The following SLC46A2 variants were observed in gnomAD, a reference collection of about 807,000 sequenced individuals.
SLC46A2 encodes solute carrier family 46 member 2, also known as thymic stromal co-transporter.
In SLC46A2, 25 loss-of-function variants were observed where a neutral mutation model predicts 33.1. The ratio of observed to expected loss-of-function variants is 0.76; its 90% CI spans 0.55 to 1.06. The LOEUF (loss-of-function observed/expected upper bound fraction) is 1.06, where lower values mean the gene tolerates loss of function less well. Ranked by LOEUF, SLC46A2 falls within the 50% of genes least tolerant of loss-of-function variation. SLC46A2 has a pLI of 0.00. For synonymous variants in SLC46A2, 254 were observed against 275.9 expected (o/e 0.92, Z 0.79); for missense variants, 622 against 621.7 (o/e 1.00, Z 0.00).
chr9:112,883,429 G>A (rs1023189554), intron 3 of SLC46A2, among the ~76,000 whole-genome samples: 1 of 151,966 alleles, frequency 6.6e-6, no homozygotes, highest in South Asian at 2.1e-4. Flanking sequence ...TGTACCCTTT[G>A]GCAAGTTATT....
At chr9:112,882,904 T>C (rs10156558) in intron 3 of SLC46A2, among the ~76,000 whole-genome samples, 91,303 of 152,006 alleles carry the variant, frequency 0.6, 27,784 homozygotes, top group East Asian at 0.67. Flanking sequence ...CCCAAACAAT[T>C]CCTACATGGG....
At chr9:112,884,521 T>C (rs1393016693) in intron 3 of SLC46A2, among the ~76,000 whole-genome samples, 1 of 152,192 alleles carries the variant, frequency 6.6e-6, no homozygotes, top group East Asian at 1.9e-4. Flanking sequence ...CAATCTTGGT[T>C]GTACATTTGA....
intron 1 of SLC46A2, 21 bp downstream of exon 1, chr9:112,889,532 C>G: frequency 6.3e-7 from 1 of 1,583,652 alleles, no homozygotes. Flanking sequence ...TGTCCTGCCT[C>G]CTCAAGAATG....
Position 112,890,452 on chromosome 9 carries a change from A to C in SLC46A2, c.230T>G (p.Phe77Cys). 1 of 1,614,178 alleles carries C rather than the reference A, an allele frequency of 6.2e-7. No individual in the cohort carries two copies. Among genetic ancestry groups the C allele is most frequent in the Non-Finnish European group, 8.5e-7 (1 of 1,180,024 alleles). Residue 77 changes from phenylalanine (F) to cysteine (C), a missense_variant, in exon 1 of 4, where the codon TTC (phenylalanine) becomes TGC (cysteine). Transcript: ENST00000374228. The surrounding 1 kb of genome is among the most constrained non-coding windows in gnomAD (Gnocchi z 6.0). Reference protein sequence around the residue: ...EDQQQRAISNFYIIYNLVVGL... With the variant: ...EDQQQRAISNCYIIYNLVVGL... ...CACCACAAGGTTGTAGATAATGTAG[A>C]AATTGGAGATGGCTCTCTGCTGTTG...
At chr9:112,882,765 C>T (rs1205588328) in intron 3 of SLC46A2, among the ~76,000 whole-genome samples, 2 of 152,010 alleles carry the variant, frequency 1.3e-5, no homozygotes, top group Non-Finnish European at 2.9e-5. Flanking sequence ...ATTGGAAAGA[C>T]AGGAGTGTTA....
In SLC46A2 at chr9:112,889,623, AATC is replaced by A. The variant is rs1216952744; in HGVS notation, c.1056_1058del (p.Met352del). On this transcript the variant is annotated inframe_deletion, in exon 1 of 4. Transcript: ENST00000374228. ...CTCCTGACCCAAAGGAGACCATCCC[AATC>A]ATGATCATGGTGGTGTCCCGAAAGC... 1 of 1,614,044 alleles carries A rather than the reference AATC, an allele frequency of 6.2e-7. No individual in the cohort carries two copies. Among genetic ancestry groups the A allele is most frequent in the Non-Finnish European group, 8.5e-7 (1 of 1,180,020 alleles).
chr9:112,882,869 G>A lies in SLC46A2; in HGVS notation c.1371-3050C>T, dbSNP rs139278428. Among the ~76,000 whole-genome samples, 412 of 152,276 alleles carry A rather than the reference G, an allele frequency of 2.7e-3. 4 individuals are homozygous for A. The highest frequency in any genetic ancestry group is 9.3e-3 in the African/African-American group (386 of 41,556). On this transcript the variant is annotated intron_variant, in intron 3 of 3. Transcript: ENST00000374228. The stretch of plus-strand genomic sequence containing the variant: ...CTTTAGGTTGCTTAGAAAATGTAAA[G>A]TGAGAAGACAGCCCAGAATAGAACC...
intron 3 of SLC46A2, among the ~76,000 whole-genome samples, chr9:112,882,797 G>A (rs1171421850): frequency 1.3e-5 from 2 of 152,072 alleles, no homozygotes; most frequent in African/African-American, 2.4e-5. Context: ...AGGGTATCAA[G>A]AACCCTATTT....
chr9:112,888,809 G>A (rs1841680506), intron 1 of SLC46A2, among the ~76,000 whole-genome samples: 2 of 151,212 alleles, frequency 1.3e-5, no homozygotes, highest in South Asian at 4.2e-4. Context: ...GCCCTTGCTT[G>A]ACTCCAAATG....
chr9:112,887,946 T>TGTGTGTGTGAGA (rs1554760068), intron 1 of SLC46A2, among the ~76,000 whole-genome samples: 4 of 139,288 alleles, frequency 2.9e-5, no homozygotes, highest in African/African-American at 1.1e-4. Flanking sequence ...TGTGTGTGTG[T>TGTGTGTGTGAGA]GAGAGAGAGA....
Position 112,890,798 on chromosome 9 carries a change from C to T in SLC46A2, c.-117G>A. The T allele has an allele frequency of 1.3e-6, 1 of 744,068 alleles. No homozygotes were observed. Among genetic ancestry groups the T allele is most frequent in the Non-Finnish European group, 1.9e-6 (1 of 534,432 alleles). The allele number at this position is 744,068 out of a possible 1,614,324, so 46.1% of individuals were successfully genotyped here. A position where few individuals can be genotyped will look rare whatever the true frequency, so the allele number is the denominator to read the frequency against. On this transcript the variant is annotated 5_prime_UTR_variant, in exon 1 of 4. Coordinates refer to ENST00000374228, the MANE Select transcript of SLC46A2 (RefSeq NM_033051.4). The surrounding 1 kb of genome is among the most constrained non-coding windows in gnomAD (Gnocchi z 6.0). ...TCCCGGAGCGCGAGTGTGCTCCGTG[C>T]GCCGGGAGCGCGAGTGTGCTCCGTG...
chr9:112,880,861 C>A (rs113106172), intron 3 of SLC46A2, among the ~76,000 whole-genome samples: 1 of 152,118 alleles, frequency 6.6e-6, no homozygotes, highest in Non-Finnish European at 1.5e-5. Flanking sequence ...TCTGAAGGAA[C>A]TTCTCTTACT....
At chr9:112,889,418 G>A (rs182992870) in intron 1 of SLC46A2, 135 bp downstream of exon 1, 5 of 777,930 alleles carry the variant, frequency 6.4e-6, no homozygotes, top group Admixed American at 2.8e-5. Context: ...ATAATCTTGT[G>A]TCCCTTGTGC....
Position 112,890,300 on chromosome 9 carries a change from G to A in SLC46A2, c.382C>T (p.Leu128=). The A allele has an allele frequency of 1.2e-6, 2 of 1,613,722 alleles. No individual in the cohort carries two copies. The highest frequency in any genetic ancestry group is 1.7e-6 in the Non-Finnish European group (2 of 1,179,946). ...AGCACCTCCACTGGCCAGTCCAGCA[G>A]CACCTTGAGCAGCAGCCCGAGGCGG... ...LSRLGLLLKV[L]LDWPVEVLYG... The change falls in exon 1 of 4, where the codon CTG becomes TTG. Residue 128 remains leucine, a synonymous_variant. Transcript: ENST00000374228. This position sits in a 1 kb window ranked among gnomAD's most constrained non-coding sequence, Gnocchi z 6.0.
chr9:112,888,793 T>C (rs1841680378), intron 1 of SLC46A2, among the ~76,000 whole-genome samples: 1 of 152,190 alleles, frequency 6.6e-6, no homozygotes, highest in African/African-American at 2.4e-5. Context: ...AATGCATTTT[T>C]AAAAAGCCCT....
chr9:112,887,530 T>A, intron 1 of SLC46A2, 117 bp from the exon 2 acceptor site: 1 of 894,356 alleles, frequency 1.1e-6, no homozygotes, highest in Non-Finnish European at 1.6e-6. Context: ...TGGCTTGACC[T>A]GGAGGAAGTC....
At position 112,886,540 on chromosome 9, in the gene SLC46A2, G is replaced by C. The variant is rs1278445834; in HGVS notation, c.1290C>G (p.Tyr430Ter). The change falls in exon 3 of 4, where the codon TAC becomes TAG. Residue 430 changes from tyrosine to a stop codon, truncating the protein, a stop_gained. Coordinates refer to ENST00000374228, the MANE Select transcript of SLC46A2 (RefSeq NM_033051.4). LOFTEE classifies it high-confidence loss of function. ...CCACAAACATGTCCATGGTGAGCTG[G>C]TAGATCTTGTTGTACAAGGTGGATG... ...VVTSTLYNKI[Y>*]QLTMDMFVGS... The C allele has an allele frequency of 1.9e-6, 3 of 1,614,064 alleles. No individual in the cohort carries two copies. Among genetic ancestry groups the C allele is most frequent in the African/African-American group, 2.7e-5 (2 of 74,926 alleles).
In SLC46A2 at chr9:112,886,588, G is replaced by C. The variant is rs1841645628; in HGVS notation, c.1242C>G (p.Ser414=). Residue 414 remains serine (S), a synonymous_variant, in exon 3 of 4, where the codon TCC becomes TCG. Transcript: ENST00000374228. ...YGKVFVILQL[S]LALTGVVTST... ...ATGTCACCACGCCGGTCAGAGCCAA[G>C]GACAGCTGCAGTATGACGAACACCT... 1 of 1,614,054 alleles carries C rather than the reference G, an allele frequency of 6.2e-7. No individual in the cohort carries two copies. Among genetic ancestry groups the C allele is most frequent in the Non-Finnish European group, 8.5e-7 (1 of 1,179,988 alleles).
rs148512114 is a variant in SLC46A2, at chr9:112,879,898, G to A, written c.1371-79C>T. On this transcript the variant is annotated intron_variant, in intron 3 of 3. Coordinates refer to ENST00000374228, the MANE Select transcript of SLC46A2 (RefSeq NM_033051.4). The stretch of plus-strand genomic sequence containing the variant: ...GTGAAACTGCCCTCACAGGGTTAAT[G>A]ATAATTACAAGCCAGGCTTTAGGCA... 53 of 1,367,292 alleles carry A rather than the reference G, an allele frequency of 3.9e-5. No individual in the cohort carries two copies. In the African/African-American group the frequency reaches 5.8e-4, roughly 15 times the overall value. 84.7% of individuals were successfully genotyped at this position (1,367,292 alleles called of 1,614,324 possible).
Sources: allele counts gnomAD v4.1 joint callset (sites outside exome capture counted in the v4.1 genomes callset), GRCh38; gene constraint gnomAD v4.1.1; non-coding constraint Gnocchi (gnomAD v3.1); transcripts MANE v1.5; gene names NCBI Gene and HGNC (gene_info 2026-07-23, HGNC 2026-07-21).